The following THUMPD2 variants were observed in gnomAD, a reference collection of about 807,000 sequenced individuals.
The protein encoded by THUMPD2 is THUMP domain 2 tRNA and snRNA guanosine methyltransferase, also known as U6 snRNA (guanine-N(2))-methyltransferase THUMPD2.
In THUMPD2, 56 loss-of-function variants were observed where a neutral mutation model predicts 49.4. The observed-to-expected ratio is 1.13, with a 90% CI of 0.91 to 1.41. The LOEUF is 1.41. THUMPD2 is among the 40% of genes most tolerant of loss of function. The pLI is 0.00. For missense variants in THUMPD2, 709 were observed against 594.5 expected (o/e 1.19, Z -2.00); for synonymous variants, 237 against 205.2 (o/e 1.15, Z -1.32).
chr2:39,742,133 C>G (rs1673975713), intron 9 of THUMPD2, among the ~76,000 whole-genome samples: 1 of 152,022 alleles, frequency 6.6e-6, no homozygotes, highest in Non-Finnish European at 1.5e-5. Context: ...TAGTCTGTCT[C>G]CAAAGCCTAT....
At position 39,736,200 on chromosome 2, in the gene THUMPD2, A is replaced by G. The variant is rs936021764; in HGVS notation, c.*535T>C. 2 of 152,266 alleles carry G rather than the reference A, an allele frequency of 1.3e-5. No homozygotes were observed. The highest frequency in any genetic ancestry group is 1.5e-5 in the Non-Finnish European group (1 of 68,070). 9.4% of individuals were successfully genotyped at this position (152,266 alleles called of 1,614,324 possible). On this transcript the variant is annotated 3_prime_UTR_variant, in exon 10 of 10. Transcript: ENST00000505747. ...AATTTCATTTTCCATCATGTTTTGAAGGATACTGGCTTAATTCAGTTATTA... is the reference window on the plus strand; with the variant it reads ...AATTTCATTTTCCATCATGTTTTGAGGGATACTGGCTTAATTCAGTTATTA...
At chr2:39,770,765 T>G (rs1007856007) in intron 2 of THUMPD2, among the ~76,000 whole-genome samples, 1 of 152,132 alleles carries the variant, frequency 6.6e-6, no homozygotes, top group African/African-American at 2.4e-5. Context: ...GATCCCACAG[T>G]ATAATACTTT....
chr2:39,756,610 AT>A (rs1676162494), intron 6 of THUMPD2, among the ~76,000 whole-genome samples: 1 of 152,110 alleles, frequency 6.6e-6, no homozygotes, highest in Non-Finnish European at 1.5e-5. Flanking sequence ...GGGGTTAAAG[AT>A]TTGTGTTCGG....
intron 1 of THUMPD2, among the ~76,000 whole-genome samples, chr2:39,778,118 T>C (rs1191158353): frequency 6.6e-6 from 1 of 152,206 alleles, no homozygotes; most frequent in Non-Finnish European, 1.5e-5. Flanking sequence ...TTCTCATCTG[T>C]TAAATGTGGA....
At chr2:39,757,072 G>C (rs1676240765) in intron 6 of THUMPD2, among the ~76,000 whole-genome samples, 2 of 152,082 alleles carry the variant, frequency 1.3e-5, no homozygotes, top group South Asian at 4.1e-4. Context: ...TTACTGAGTG[G>C]TTAGAGACCA....
In THUMPD2 at chr2:39,736,857, T is replaced by C; in HGVS notation, c.1390A>G (p.Lys464Glu). Residue 464 changes from lysine (K) to glutamate (E), a missense_variant, in exon 10 of 10, where the codon AAA becomes GAA. Transcript: ENST00000505747. ...AATGGTGACATTCTGTCTAAGAATT[T>C]GTGGTTACTGGCTTCGAATGAAGTT... is the stretch of plus-strand genomic sequence containing the variant. ...ASTSFEASNH[K>E]FLDRMSPFGS... 6.2e-7 allele frequency: 1 copy of C among 1,614,232 alleles called. No individual in the cohort carries two copies. The highest frequency in any genetic ancestry group is 1.3e-5 in the African/African-American group (1 of 75,072).
At chr2:39,757,404 G>A in intron 6 of THUMPD2, 2 of 1,303,620 alleles carry the variant, frequency 1.5e-6, no homozygotes, top group Non-Finnish European at 2.0e-6. Context: ...TCAAGAGACA[G>A]AAGCCTTCCC....
intron 7 of THUMPD2, 126 bp from the exon 8 acceptor site, chr2:39,755,535 C>G: frequency 1.6e-6 from 1 of 630,798 alleles, no homozygotes; most frequent in Admixed American, 3.6e-5. Flanking sequence ...GGTCAAAACA[C>G]ATTTAGGGTA....
In THUMPD2 at chr2:39,736,754, G is replaced by T. The variant is rs145653260; in HGVS notation, c.1493C>A (p.Ser498Ter). ...AGCCTGCTACAGTCCAGAAGAGTGC[G>T]ACTTCTTATATTTACATATGAACGC... Reference protein sequence around the residue: ...TDAFICKYKKSHSSGL With the variant: ...TDAFICKYKK Residue 498 changes from serine to a stop codon, truncating the protein, a stop_gained, in exon 10 of 10, where the codon TCG (serine) becomes TAG (stop). Transcript: ENST00000505747. LOFTEE classifies it high-confidence loss of function. The T allele has an allele frequency of 8.0e-5, 129 of 1,613,828 alleles. No individual in the cohort carries two copies. In the African/African-American group the frequency reaches 1.5e-3, roughly 19 times the overall value.
At position 39,772,428 on chromosome 2, in the gene THUMPD2, T is replaced by G. The variant is rs143548685; in HGVS notation, c.127-788A>C. On this transcript the variant is annotated intron_variant, in intron 1 of 9. Transcript: ENST00000505747. Reference sequence around the variant, plus strand: ...TCCAGAAGAGGCATAAAGGACTGAGTGTAGAATGTGATGCTAGAGGGAGAA... The same window carrying G: ...TCCAGAAGAGGCATAAAGGACTGAGGGTAGAATGTGATGCTAGAGGGAGAA... Among the ~76,000 whole-genome samples, 7 of 152,088 alleles carry G rather than the reference T, an allele frequency of 4.6e-5. No individual in the cohort carries two copies. In the East Asian group the frequency reaches 7.7e-4, roughly 17 times the overall value.
intron 6 of THUMPD2, chr2:39,757,315 G>T: frequency 9.2e-7 from 1 of 1,091,224 alleles, no homozygotes; most frequent in Non-Finnish European, 1.3e-6. Context: ...TATGTCTACA[G>T]AGGAAGCAGA....
chr2:39,745,460 ATGT>A (rs1674451045), intron 8 of THUMPD2, among the ~76,000 whole-genome samples: 1 of 152,218 alleles, frequency 6.6e-6, no homozygotes, highest in African/African-American at 2.4e-5. Context: ...TTTCCAAGTT[ATGT>A]TTTAACCTCA....
intron 9 of THUMPD2, among the ~76,000 whole-genome samples, chr2:39,741,912 C>G (rs899743968): frequency 2.0e-5 from 3 of 151,866 alleles, no homozygotes; most frequent in Non-Finnish European, 2.9e-5. Context: ...CACACACTTC[C>G]CAAAAGGATT....
intron 9 of THUMPD2, among the ~76,000 whole-genome samples, chr2:39,739,214 C>T (rs555452374): frequency 2.6e-5 from 4 of 152,256 alleles, no homozygotes; most frequent in African/African-American, 7.2e-5. Context: ...TTCTAACCCC[C>T]TTACTCTGGC....
intron 6 of THUMPD2, among the ~76,000 whole-genome samples, chr2:39,759,528 C>A (rs754198225): frequency 1.1e-4 from 17 of 152,164 alleles, no homozygotes; most frequent in South Asian, 4.2e-4. Flanking sequence ...AAGCTTCCCA[C>A]CCAGAAAGTG....
At chr2:39,762,445 T>C (rs563552983) in intron 5 of THUMPD2, among the ~76,000 whole-genome samples, 22 of 152,294 alleles carry the variant, frequency 1.4e-4, no homozygotes, top group African/African-American at 5.1e-4. Context: ...TAGAACTAAA[T>C]GATATACCCC....
chr2:39,763,248 C>A (rs1677065353), intron 5 of THUMPD2, among the ~76,000 whole-genome samples: 1 of 151,642 alleles, frequency 6.6e-6, no homozygotes, highest in African/African-American at 2.4e-5. Flanking sequence ...GACTTGTTAC[C>A]TGAACCCCAG....
At chr2:39,775,422 G>C (rs1339336901) in intron 1 of THUMPD2, among the ~76,000 whole-genome samples, 1 of 152,098 alleles carries the variant, frequency 6.6e-6, no homozygotes, top group South Asian at 2.1e-4. Flanking sequence ...GTTTGAGTTT[G>C]TTTTGGTTTA....
chr2:39,764,061 C>T (rs6746083), intron 5 of THUMPD2, among the ~76,000 whole-genome samples: 148,767 of 152,342 alleles, frequency 0.98, 72,743 homozygotes, highest in Middle Eastern at 1. Flanking sequence ...CTTCTCCATG[C>T]GGCATACACT....
Sources: gnomAD v4.1 joint callset for allele counts (sites outside exome capture counted in the v4.1 genomes callset) on GRCh38, gnomAD v4.1.1 for gene constraint, MANE v1.5 for transcripts, NCBI Gene and HGNC (gene_info 2026-07-23, HGNC 2026-07-21) for gene names.